ADAMTS13: variants seen among roughly 807,000 people sequenced by gnomAD.
ADAMTS13 encodes the protein ADAM metallopeptidase with thrombospondin type 1 motif 13, also known as A disintegrin and metalloproteinase with thrombospondin motifs 13.
Under a neutral mutation model 155.1 loss-of-function variants are expected in ADAMTS13, and 110 were observed. The observed-to-expected ratio is 0.71, with a 90% confidence interval of 0.61 to 0.83. ADAMTS13 has a LOEUF of 0.83. Ranked by LOEUF, ADAMTS13 falls within the 40% of genes least tolerant of loss-of-function variation. The probability of loss-of-function intolerance (pLI) is 0.00; values close to 1 mark genes in which losing one functional copy is unlikely to be tolerated. For synonymous variants in ADAMTS13, 758 were observed against 756.4 expected, an observed-to-expected ratio of 1.00 and a Z score of -0.03; for missense variants, 1,707 against 1,891.7, an observed-to-expected ratio of 0.90 and a Z score of 1.81.
At chr9:133,433,617 C>G in intron 10 of ADAMTS13, 24 bp from the exon 11 acceptor site, 1 of 1,613,976 alleles carries the variant, frequency 6.2e-7, no homozygotes, top group South Asian at 1.1e-5. Flanking sequence ...CTCTCTCACC[C>G]TCCTGTCTGC....
In ADAMTS13 at chr9:133,454,473, C is replaced by T. The variant is rs782414383; in HGVS notation, c.3103C>T (p.Arg1035Cys). The T allele has an allele frequency of 1.2e-5, 20 of 1,613,332 alleles. No individual in the cohort carries two copies. The highest frequency in any genetic ancestry group is 6.7e-5 in the East Asian group (3 of 44,898). ...SASCGLGTARRSVACVQLDQG... is the reference protein window; with the variant it reads ...SASCGLGTARCSVACVQLDQG... ...CAGCTGTGGCCTTGGCACTGCTAGA[C>T]GCTCGGTGGCCTGTGTGCAGCTCGA... The change falls in exon 24 of 29, where the codon CGC becomes TGC. Residue 1035 changes from arginine to cysteine, a missense_variant. Arg to Cys is a radical substitution (Grantham distance 180). Coordinates refer to ENST00000355699, the MANE Select transcript of ADAMTS13 (RefSeq NM_139027.6).
At chr9:133,438,530 C>T (rs1841422203) in intron 14 of ADAMTS13, among the ~76,000 whole-genome samples, 164 bp downstream of exon 14, 2 of 152,270 alleles carry the variant, frequency 1.3e-5, no homozygotes, top group Middle Eastern at 3.4e-3. Context: ...ACTTCGCCAC[C>T]CTTCTGTGGC....
At chr9:133,431,697 C>G (rs937667242) in intron 8 of ADAMTS13, among the ~76,000 whole-genome samples, 1 of 152,086 alleles carries the variant, frequency 6.6e-6, no homozygotes, top group African/African-American at 2.4e-5. Context: ...CTCTGTCACC[C>G]AGGCTGGAAT....
chr9:133,429,821 C>G (rs1215522853), intron 7 of ADAMTS13, 118 bp from the exon 8 acceptor site: 1 of 1,347,064 alleles, frequency 7.4e-7, no homozygotes, highest in Non-Finnish European at 1.0e-6. Context: ...AACTCCTGTT[C>G]CCACTCACAA....
intron 11 of ADAMTS13, among the ~76,000 whole-genome samples, chr9:133,434,960 C>T (rs1179452001): frequency 6.6e-6 from 1 of 152,188 alleles, no homozygotes; most frequent in Non-Finnish European, 1.5e-5. Flanking sequence ...TGTGTCAGCG[C>T]CTCATTCCTC....
chr9:133,458,218 G>A (rs1842858014), intron 28 of ADAMTS13, 124 bp downstream of exon 28: 19 of 1,161,942 alleles, frequency 1.6e-5, no homozygotes, highest in Non-Finnish European at 2.3e-5. Context: ...TGAAAGAATG[G>A]GAGAAGATAG....
At chr9:133,432,496 C>T in intron 8 of ADAMTS13, 92 bp from the exon 9 acceptor site, 1 of 1,127,096 alleles carries the variant, frequency 8.9e-7, no homozygotes, top group Non-Finnish European at 1.3e-6. Context: ...GTCAGTGTGT[C>T]CTGCAGTCTG....
chr9:133,454,483 C>T lies in ADAMTS13; in HGVS notation c.3113C>T (p.Ala1038Val). 6.2e-7 allele frequency: 1 copy of T among 1,613,192 alleles called. No individual in the cohort carries two copies. Among genetic ancestry groups the T allele is most frequent in the Non-Finnish European group, 8.5e-7 (1 of 1,180,004 alleles). Reference sequence around the variant, plus strand: ...CTTGGCACTGCTAGACGCTCGGTGGCCTGTGTGCAGCTCGACCAAGGCCAG... The same window carrying T: ...CTTGGCACTGCTAGACGCTCGGTGGTCTGTGTGCAGCTCGACCAAGGCCAG... Reference protein sequence around the residue: ...CGLGTARRSVACVQLDQGQDV... With the variant: ...CGLGTARRSVVCVQLDQGQDV... Residue 1038 changes from alanine to valine, a missense_variant, in exon 24 of 29, where the codon GCC (alanine) becomes GTC (valine). Physicochemically the swap from Ala to Val is moderately conservative, Grantham distance 64. Around this residue, in one of 3 missense-constraint regions of ADAMTS13, gnomAD observed 961 missense variants for 1,107.9 expected, o/e 0.87. Transcript: ENST00000355699.
intron 11 of ADAMTS13, among the ~76,000 whole-genome samples, chr9:133,435,435 C>T (rs1003137798): frequency 1.1e-4 from 16 of 151,892 alleles, no homozygotes; most frequent in African/African-American, 3.1e-4. Flanking sequence ...GTGATCTGCC[C>T]GCCTTGGCCT....
upstream of ADAMTS13, chr9:133,418,230 G>A: frequency 3.5e-6 from 1 of 281,930 alleles, no homozygotes. Flanking sequence ...AGATGCGAAC[G>A]CCGGAAGGGA....
At chr9:133,421,092 C>G (rs1554783027), upstream of ADAMTS13, among the ~76,000 whole-genome samples, 2 of 152,132 alleles carry the variant, frequency 1.3e-5, no homozygotes, top group Non-Finnish European at 2.9e-5. Flanking sequence ...ATGGCGAAAC[C>G]CCACCTCTAC....
At chr9:133,443,324 C>G in intron 18 of ADAMTS13, 52 bp from the exon 19 acceptor site, 5 of 1,555,790 alleles carry the variant, frequency 3.2e-6, no homozygotes, top group Non-Finnish European at 4.3e-6. Context: ...CCCATCACCC[C>G]AGGCCAGCCT....
chr9:133,418,928 C>A (rs1007040283), upstream of ADAMTS13, among the ~76,000 whole-genome samples: 6 of 152,170 alleles, frequency 3.9e-5, no homozygotes, highest in African/African-American at 1.4e-4. Flanking sequence ...CTTACTTCTG[C>A]CGCCTGGGTT....
Position 133,423,706 on chromosome 9 carries a change from C to A in ADAMTS13, c.172+539C>A, listed in dbSNP as rs113357511. 3.9e-5 allele frequency among the ~76,000 whole-genome samples: 6 copies of A among 152,326 alleles called. 1 individual carries two copies. The highest frequency in any genetic ancestry group is 1.2e-4 in the African/African-American group (5 of 41,578). The stretch of plus-strand genomic sequence containing the variant: ...AGGCAGGTGGGCTAGTGGTCAGGGG[C>A]AACAGGAGGGCAAGGCCCACTTTGT... On this transcript the variant is annotated intron_variant, in intron 2 of 28. Coordinates refer to ENST00000355699, the MANE Select transcript of ADAMTS13 (RefSeq NM_139027.6).
Position 133,443,449 on chromosome 9 carries a change from G to A in ADAMTS13, c.2308G>A (p.Val770Met), listed in dbSNP as rs374606481. The A allele has an allele frequency of 9.5e-5, 152 of 1,593,490 alleles. 1 individual carries two copies. In the African/African-American group the frequency reaches 9.8e-4, roughly 10 times the overall value. Residue 770 changes from valine to methionine, a missense_variant, in exon 19 of 29, where the codon GTG becomes ATG. Around this residue, in one of 3 missense-constraint regions of ADAMTS13, gnomAD observed 961 missense variants for 1,107.9 expected, o/e 0.87. Coordinates refer to ENST00000355699, the MANE Select transcript of ADAMTS13 (RefSeq NM_139027.6). ...GGLRERPVRC[V>M]EAQGSLLKTL... ...CCTGCGGGAGCGGCCAGTGCGCTGC[G>A]TGGAGGCCCAGGGCAGCCTCCTGAA...
chr9:133,437,947 C>T (rs1554789618), intron 13 of ADAMTS13, 50 bp downstream of exon 13: 9 of 1,610,584 alleles, frequency 5.6e-6, no homozygotes, highest in East Asian at 4.5e-5. Context: ...CCTGTCCTAT[C>T]GGAAGGCTCC....
In ADAMTS13 at chr9:133,433,709, G is replaced by A. The variant is rs1840960470; in HGVS notation, c.1308+5G>A. ...GCCGAGATGTGCAACACTCAGGTAG[G>A]CCTGCTTCCTGGGGTAGGAGGGGGC... On this transcript the variant is annotated splice_donor_5th_base_variant and intron_variant, in intron 11 of 28. Coordinates refer to ENST00000355699, the MANE Select transcript of ADAMTS13 (RefSeq NM_139027.6). 8 of 1,612,828 alleles carry A rather than the reference G, an allele frequency of 5.0e-6. No homozygotes were observed. Among genetic ancestry groups the A allele is most frequent in the Non-Finnish European group, 6.8e-6 (8 of 1,179,996 alleles).
intron 16 of ADAMTS13, among the ~76,000 whole-genome samples, chr9:133,442,059 A>G (rs1369373884): frequency 2.6e-5 from 4 of 152,122 alleles, no homozygotes; most frequent in African/African-American, 9.7e-5. Context: ...TGTCCTGTGC[A>G]CTGTGCTATC....
intron 7 of ADAMTS13, 178 bp from the exon 8 acceptor site, chr9:133,429,761 A>C (rs983186933): frequency 1.2e-6 from 1 of 844,478 alleles, no homozygotes; most frequent in Non-Finnish European, 1.9e-6. Context: ...CAGGAGCCTT[A>C]GTCTTGGTCC....
Sources: gnomAD v4.1 joint callset for allele counts (sites outside exome capture counted in the v4.1 genomes callset) on GRCh38, gnomAD v4.1.1 for gene constraint, gnomAD v4.1.1 regional missense constraint, MANE v1.5 for transcripts, NCBI Gene and HGNC (gene_info 2026-07-23, HGNC 2026-07-21) for gene names.